WDFY4: variants seen among roughly 807,000 people sequenced by gnomAD.
The protein encoded by WDFY4 is WDFY family member 4, also known as WD repeat- and FYVE domain-containing protein 4.
In WDFY4, 169 loss-of-function variants were observed where a neutral mutation model predicts 351.9. The observed-to-expected ratio is 0.48, with a 90% CI of 0.42 to 0.55. The LOEUF (loss-of-function observed/expected upper bound fraction) is 0.55, where lower values mean the gene tolerates loss of function less well. WDFY4 is among the 20% of genes least tolerant of loss of function. The probability of loss-of-function intolerance (pLI) is 0.00; values close to 1 mark genes in which losing one functional copy is unlikely to be tolerated. For missense variants in WDFY4, 3,803 were observed against 3,935.6 expected (o/e 0.97, Z 0.90); for synonymous variants, 1,622 against 1,574.6 (o/e 1.03, Z -0.71).
At chr10:48,970,917 C>T (rs1285469933) in intron 57 of WDFY4, among the ~76,000 whole-genome samples, 2 of 152,172 alleles carry the variant, frequency 1.3e-5, no homozygotes, top group African/African-American at 2.4e-5. Context: ...GAATGCTAAT[C>T]GCAGCGGCAC....
chr10:48,869,725 G>A (rs903901638), intron 40 of WDFY4, among the ~76,000 whole-genome samples: 1 of 151,988 alleles, frequency 6.6e-6, no homozygotes, highest in Non-Finnish European at 1.5e-5. Context: ...ATTATAATTT[G>A]CAGAAATGAC....
In WDFY4 at chr10:48,870,004, G is replaced by A. The variant is rs147403671; in HGVS notation, c.6741+2662G>A. Among the ~76,000 whole-genome samples, 602 of 152,358 alleles carry A rather than the reference G, an allele frequency of 4.0e-3. 3 individuals carry two copies. Among genetic ancestry groups the A allele is most frequent in the Middle Eastern group, 0.024 (7 of 294 alleles). On this transcript the variant is annotated intron_variant, in intron 40 of 61. Transcript: ENST00000325239. Reference sequence around the variant, plus strand: ...CAGAATTCAAGCAGCGCTGGATCAAGTTCCGTGCTCTGCTTCCTCTGTGTG... The same window carrying A: ...CAGAATTCAAGCAGCGCTGGATCAAATTCCGTGCTCTGCTTCCTCTGTGTG...
intron 60 of WDFY4, 47 bp downstream of exon 60, chr10:48,978,440 T>C: frequency 6.7e-7 from 1 of 1,496,732 alleles, no homozygotes; most frequent in South Asian, 1.3e-5. Flanking sequence ...TGCCCTGCCC[T>C]CCTCACCTCC....
chr10:48,823,721 C>G (rs2067905010), intron 35 of WDFY4: 2 of 993,430 alleles, frequency 2.0e-6, no homozygotes, highest in South Asian at 9.0e-5. Flanking sequence ...GCTAATATCC[C>G]AAACATAGGT....
intron 37 of WDFY4, among the ~76,000 whole-genome samples, chr10:48,829,396 A>C (rs756828347): frequency 6.6e-6 from 1 of 152,176 alleles, no homozygotes; most frequent in African/African-American, 2.4e-5. Flanking sequence ...ACTAATCTCA[A>C]ATCAAGTTAA....
intron 12 of WDFY4, among the ~76,000 whole-genome samples, chr10:48,752,559 C>G (rs1020950486): frequency 1.3e-5 from 2 of 152,232 alleles, no homozygotes; most frequent in Admixed American, 6.5e-5. Flanking sequence ...TCCCCAGTCC[C>G]TGGGCTACCA....
At chr10:48,878,198 G>A (rs993749567) in intron 43 of WDFY4, 4 of 152,298 alleles carry the variant, frequency 2.6e-5, no homozygotes, top group East Asian at 3.9e-4. Flanking sequence ...TGGGTGAATC[G>A]GGCTTTTCCA....
At chr10:48,970,674 C>T (rs1302397900) in intron 57 of WDFY4, among the ~76,000 whole-genome samples, 1 of 152,208 alleles carries the variant, frequency 6.6e-6, no homozygotes, top group Non-Finnish European at 1.5e-5. Flanking sequence ...ACAAGTTGGC[C>T]TTTATGCCAA....
intron 47 of WDFY4, among the ~76,000 whole-genome samples, chr10:48,925,923 T>TA (rs1839533125): frequency 6.6e-6 from 1 of 152,142 alleles, no homozygotes; most frequent in Non-Finnish European, 1.5e-5. Context: ...TATCTTATAG[T>TA]AAAATATTTT....
At chr10:48,948,406 A>T (rs1841161068) in intron 51 of WDFY4, among the ~76,000 whole-genome samples, 2 of 152,352 alleles carry the variant, frequency 1.3e-5, no homozygotes, top group East Asian at 3.9e-4. Flanking sequence ...TGACGATGAT[A>T]GTGATGGATT....
intron 47 of WDFY4, chr10:48,910,282 T>A (rs1038622351): frequency 1.2e-6 from 2 of 1,612,012 alleles, no homozygotes; most frequent in African/African-American, 2.7e-5. Flanking sequence ...CACAAGAAGG[T>A]GAGGCAATTG....
chr10:48,768,723 AAGAGAG>A (rs71026224), intron 13 of WDFY4, among the ~76,000 whole-genome samples: 31,609 of 140,946 alleles, frequency 0.22, 3,607 homozygotes, highest in Middle Eastern at 0.31. Flanking sequence ...GGGAGAGGAG[AAGAGAG>A]AGAGAGAGAG....
intron 39 of WDFY4, among the ~76,000 whole-genome samples, chr10:48,866,776 G>A (rs1384014521): frequency 6.6e-6 from 1 of 152,248 alleles, no homozygotes; most frequent in Non-Finnish European, 1.5e-5. Flanking sequence ...GTATTCATAT[G>A]TGAGTGTGTC....
chr10:48,763,216 T>C (rs754089439), intron 13 of WDFY4, among the ~76,000 whole-genome samples: 9 of 152,244 alleles, frequency 5.9e-5, no homozygotes, highest in Non-Finnish European at 1.2e-4. Flanking sequence ...GTCCATGAGA[T>C]GCTTCCCATT....
chr10:48,779,896 A>G lies in WDFY4; in HGVS notation c.3398-45A>G, dbSNP rs1024100707. On this transcript the variant is annotated intron_variant, in intron 18 of 61. Coordinates refer to ENST00000325239, the MANE Select transcript of WDFY4 (RefSeq NM_001394531.1). ...CCTCCCCATTCTCCTGGGTTCCTGCAGTGTAGCACCACACGTGAGACTCAG... is the reference window on the plus strand; with the variant it reads ...CCTCCCCATTCTCCTGGGTTCCTGCGGTGTAGCACCACACGTGAGACTCAG... 23 of 1,546,808 alleles carry G rather than the reference A, an allele frequency of 1.5e-5. No individual in the cohort carries two copies. In the African/African-American group the frequency reaches 2.6e-4, roughly 18 times the overall value.
chr10:48,830,931 C>T (rs1360389109), intron 38 of WDFY4, 46 bp downstream of exon 38: 1 of 1,522,684 alleles, frequency 6.6e-7, no homozygotes. Flanking sequence ...CTGGGTCTCA[C>T]AGAGCCAGAC....
At chr10:48,780,258 A>G (rs2066175799) in intron 19 of WDFY4, 139 bp downstream of exon 19, 10 of 1,141,498 alleles carry the variant, frequency 8.8e-6, no homozygotes, top group South Asian at 1.6e-5. Flanking sequence ...ATCTAATGAA[A>G]TCTGCCTTAC....
chr10:48,828,943 AG>A, intron 37 of WDFY4, 47 bp downstream of exon 37: 2 of 13,898 alleles, frequency 1.4e-4, no homozygotes, highest in South Asian at 4.6e-3. Flanking sequence ...GGGGGCGGGG[AG>A]GGGGTGGTGG....
chr10:48,812,139 G>A (rs950883023), intron 30 of WDFY4, among the ~76,000 whole-genome samples: 2 of 151,468 alleles, frequency 1.3e-5, no homozygotes, highest in East Asian at 3.9e-4. Context: ...TCCTTCCTTG[G>A]GTGACCTCAT....
Sources: allele counts gnomAD v4.1 joint callset (sites outside exome capture counted in the v4.1 genomes callset), GRCh38; gene constraint gnomAD v4.1.1; transcripts MANE v1.5; gene names NCBI Gene and HGNC (gene_info 2026-07-23, HGNC 2026-07-21).